PAX5: variants seen among roughly 807,000 people sequenced by gnomAD.
The protein encoded by PAX5 is paired box protein Pax-5.
Under a neutral mutation model 43.7 loss-of-function variants are expected in PAX5, and 9 were observed. The observed-to-expected ratio is 0.21, with a 90% CI of 0.12 to 0.36. PAX5 has a LOEUF of 0.36. PAX5 is among the 10% of genes least tolerant of loss of function. The pLI, the probability that PAX5 is intolerant of heterozygous loss-of-function variation, is 1.00. For synonymous variants in PAX5, 228 were observed against 214.3 expected (o/e 1.06, Z -0.56); for missense variants, 383 against 532.7 (o/e 0.72, Z 2.77).
intron 6 of PAX5, among the ~76,000 whole-genome samples, chr9:36,950,523 C>A (rs993676408): frequency 1.3e-5 from 2 of 152,140 alleles, no homozygotes; most frequent in South Asian, 2.1e-4. Flanking sequence ...ACACCAGACA[C>A]TCTCAGCGAC....
intron 6 of PAX5, among the ~76,000 whole-genome samples, chr9:36,927,514 A>G (rs1470147611): frequency 6.6e-6 from 1 of 152,176 alleles, no homozygotes; most frequent in Non-Finnish European, 1.5e-5. Context: ...TTAGGTTTGG[A>G]TCATCTTTTT....
intron 1 of PAX5, among the ~76,000 whole-genome samples, chr9:37,024,125 C>A (rs7874488): frequency 6.6e-6 from 1 of 152,104 alleles, no homozygotes; most frequent in South Asian, 2.1e-4. Context: ...TCATATTCTG[C>A]AAAATGGGTG....
Position 36,882,103 on chromosome 9 carries a change from G to A in PAX5, c.913C>T (p.Arg305Cys), listed in dbSNP as rs1214797180. The A allele has an allele frequency of 4.4e-6, 7 of 1,581,602 alleles. No individual in the cohort carries two copies. The highest frequency in any genetic ancestry group is 5.2e-6 in the Non-Finnish European group (6 of 1,160,392). The stretch of plus-strand genomic sequence containing the variant: ...GGGAGGGTCGTGCTCGCCAAGTCAC[G>A]GCCTGAGGAATCAAAGCAACAAATC... ...GPQSYPIVTG[R>C]DLASTTLPGY... The change falls in exon 8 of 10, where the codon CGT becomes TGT. Residue 305 changes from arginine (R) to cysteine (C), a missense_variant and splice_region_variant. Transcript: ENST00000358127. This position sits in a 1 kb window ranked among gnomAD's most constrained non-coding sequence, Gnocchi z 4.4.
At chr9:36,903,247 T>G (rs1330827560) in intron 7 of PAX5, among the ~76,000 whole-genome samples, 1 of 152,190 alleles carries the variant, frequency 6.6e-6, no homozygotes, top group African/African-American at 2.4e-5. Context: ...GAAAAGCAGT[T>G]GGCTGGGAAG....
chr9:36,893,281 A>G (rs958012121), intron 7 of PAX5, among the ~76,000 whole-genome samples: 3 of 152,192 alleles, frequency 2.0e-5, no homozygotes, highest in African/African-American at 7.2e-5. Context: ...TCTCGCGTTC[A>G]AGGACAGCAT....
intron 6 of PAX5, among the ~76,000 whole-genome samples, chr9:36,952,432 G>A (rs1020197685): frequency 6.6e-6 from 1 of 151,600 alleles, no homozygotes; most frequent in Admixed American, 6.6e-5. Flanking sequence ...TAGAGACGGG[G>A]TTTCAATATG....
chr9:36,988,263 T>C (rs1169590687), intron 5 of PAX5, among the ~76,000 whole-genome samples: 1 of 152,176 alleles, frequency 6.6e-6, no homozygotes, highest in Admixed American at 6.5e-5. Context: ...TATTTGTGTT[T>C]CAGAAACATG....
In PAX5 at chr9:37,006,504, G is replaced by A; in HGVS notation, c.444C>T (p.Asn148=). 6.2e-7 allele frequency: 1 copy of A among 1,614,072 alleles called. No homozygotes were observed. The highest frequency in any genetic ancestry group is 8.5e-7 in the Non-Finnish European group (1 of 1,179,968). ...IIRTKVQQPP[N]QPVPASSHSI... The stretch of plus-strand genomic sequence containing the variant: ...TGTGACTGGAAGCTGGGACTGGTTG[G>A]TTGGGTGGCTGCTGTACTTTTGTCC... The change falls in exon 4 of 10, where the codon AAC becomes AAT. Residue 148 remains asparagine, a synonymous_variant. Transcript: ENST00000358127.
intron 7 of PAX5, among the ~76,000 whole-genome samples, chr9:36,914,132 G>A (rs2131920078): frequency 6.6e-6 from 1 of 152,346 alleles, no homozygotes; most frequent in South Asian, 2.1e-4. Context: ...CCCACACAGT[G>A]AAGACTTTTT....
chr9:36,962,602 G>A (rs557896874), intron 6 of PAX5, among the ~76,000 whole-genome samples: 12 of 152,250 alleles, frequency 7.9e-5, no homozygotes, highest in Admixed American at 4.6e-4. Context: ...AGCTGTTCTT[G>A]TTGTTGTCGT....
At chr9:37,033,706 T>C (rs1841235070) in intron 1 of PAX5, among the ~76,000 whole-genome samples, 1 of 151,814 alleles carries the variant, frequency 6.6e-6, no homozygotes, top group Non-Finnish European at 1.5e-5. Context: ...ACACACTGAG[T>C]CCCTTATATA....
At chr9:37,001,583 C>A (rs568626152) in intron 5 of PAX5, among the ~76,000 whole-genome samples, 35 of 152,310 alleles carry the variant, frequency 2.3e-4, no homozygotes, top group African/African-American at 7.5e-4. Context: ...GGTTCCAAAC[C>A]GAGGCCACCG....
intron 8 of PAX5, among the ~76,000 whole-genome samples, chr9:36,879,655 G>C (rs926992267): frequency 3.3e-5 from 5 of 152,182 alleles, no homozygotes; most frequent in Non-Finnish European, 5.9e-5. Flanking sequence ...TGGCTTCTCC[G>C]GGGCTTCTCT....
intron 1 of PAX5, among the ~76,000 whole-genome samples, chr9:37,026,303 C>T (rs1840357129): frequency 1.3e-5 from 2 of 152,380 alleles, no homozygotes; most frequent in African/African-American, 4.8e-5. Flanking sequence ...AAGGCTGCAG[C>T]TCGCTGCCCA....
intron 1 of PAX5, 93 bp downstream of exon 1, chr9:37,033,893 C>A: frequency 9.2e-7 from 1 of 1,092,608 alleles, no homozygotes; most frequent in African/African-American, 1.6e-5. Context: ...AAATGCGGCG[C>A]GCCCCCTCCT....
intron 2 of PAX5, among the ~76,000 whole-genome samples, chr9:37,017,007 C>T (rs1252049858): frequency 1.3e-5 from 2 of 152,198 alleles, no homozygotes; most frequent in East Asian, 1.9e-4. Flanking sequence ...TAAAAAATTG[C>T]TTTCAGCAAT....
At chr9:36,872,897 G>A (rs975110820) in intron 8 of PAX5, among the ~76,000 whole-genome samples, 3 of 152,186 alleles carry the variant, frequency 2.0e-5, no homozygotes, top group African/African-American at 7.2e-5. Flanking sequence ...AGGTGTGGGT[G>A]TGACTGGGAC....
chr9:36,954,154 T>C (rs554930622), intron 6 of PAX5, among the ~76,000 whole-genome samples: 1 of 152,366 alleles, frequency 6.6e-6, no homozygotes, highest in South Asian at 2.1e-4. Context: ...CTTACTTTTT[T>C]TTTTCTTGCC....
intron 8 of PAX5, among the ~76,000 whole-genome samples, chr9:36,868,306 T>G (rs141222710): frequency 1.6e-3 from 237 of 152,254 alleles, no homozygotes; most frequent in African/African-American, 5.2e-3. Context: ...CCACAGCTAC[T>G]GAGCACCTAC....
Sources: gnomAD v4.1 joint callset for allele counts (sites outside exome capture counted in the v4.1 genomes callset) on GRCh38, gnomAD v4.1.1 for gene constraint, Gnocchi (gnomAD v3.1) non-coding constraint, MANE v1.5 for transcripts, NCBI Gene and HGNC (gene_info 2026-07-23, HGNC 2026-07-21) for gene names.